The following NEBL variants were observed in gnomAD, a reference collection of about 807,000 sequenced individuals.
NEBL encodes nebulette.
In NEBL, 122 loss-of-function variants were observed where a neutral mutation model predicts 140.2. The observed-to-expected ratio is 0.87, with a 90% CI of 0.75 to 1.01. The LOEUF (loss-of-function observed/expected upper bound fraction) is 1.01. Among genes scored for constraint, NEBL ranks in the 50% least tolerant of loss-of-function variants. The pLI, the probability that NEBL is intolerant of heterozygous loss-of-function variation, is 0.00. For missense variants in NEBL, 1,365 were observed against 1,231.3 expected (o/e 1.11, Z -1.62); for synonymous variants, 436 against 398.9 (o/e 1.09, Z -1.11).
intron 1 of NEBL, among the ~76,000 whole-genome samples, chr10:21,258,386 T>C (rs570473662): frequency 2.8e-4 from 42 of 152,258 alleles, no homozygotes; most frequent in Admixed American, 2.5e-3. Context: ...CTGGCCAACA[T>C]GGTGAAATCC....
chr10:20,835,471 C>T (rs1179701767), intron 14 of NEBL, 42 bp downstream of exon 14: 2 of 1,426,058 alleles, frequency 1.4e-6, no homozygotes. Flanking sequence ...TGTTAGGTTC[C>T]AAAATATGAG....
At chr10:20,927,981 GT>G (rs1351002762) in intron 4 of NEBL, among the ~76,000 whole-genome samples, 1 of 152,096 alleles carries the variant, frequency 6.6e-6, no homozygotes, top group Non-Finnish European at 1.5e-5. Context: ...CTTTTAAAAA[GT>G]TTCTTTTTAA....
At chr10:21,113,308 C>CAAAAAAAAAAAAAAAAAAAA (rs1838130738) in intron 2 of NEBL, 13 of 158,872 alleles carry the variant, frequency 8.2e-5, no homozygotes, top group African/African-American at 2.1e-4. Flanking sequence ...AAAAAAAAAC[C>CAAAAAAAAAAAAAAAAAAAA]AGGAAAAAAC....
intron 2 of NEBL, among the ~76,000 whole-genome samples, chr10:21,058,137 G>A (rs914544540): frequency 2.0e-5 from 3 of 152,102 alleles, no homozygotes; most frequent in Non-Finnish European, 4.4e-5. Flanking sequence ...TTCATTCCAG[G>A]GGTTTTGGAA....
At chr10:21,236,315 C>T (rs1450796736) in intron 3 of NEBL, among the ~76,000 whole-genome samples, 1 of 150,522 alleles carries the variant, frequency 6.6e-6, no homozygotes, top group Non-Finnish European at 1.5e-5. Context: ...GGTTTTGTTA[C>T]TCACCTACTT....
chr10:21,131,504 C>CAAAT (rs947728763), intron 2 of NEBL, among the ~76,000 whole-genome samples: 1 of 151,954 alleles, frequency 6.6e-6, no homozygotes, highest in Non-Finnish European at 1.5e-5. Context: ...TTTCTCTGTA[C>CAAAT]AAATAAATAA....
chr10:20,989,156 A>G (rs1048540515), intron 3 of NEBL, among the ~76,000 whole-genome samples: 2 of 152,232 alleles, frequency 1.3e-5, no homozygotes, highest in Non-Finnish European at 2.9e-5. Flanking sequence ...GTACAAATGA[A>G]TAGAAGATTT....
intron 3 of NEBL, among the ~76,000 whole-genome samples, chr10:21,199,166 G>A (rs558536345): frequency 6.0e-5 from 9 of 151,132 alleles, no homozygotes; most frequent in Admixed American, 1.3e-4. Flanking sequence ...CTGGGACGAC[G>A]GGTGTGAGCC....
At chr10:21,004,754 C>G (rs890511057) in intron 3 of NEBL, among the ~76,000 whole-genome samples, 6 of 152,082 alleles carry the variant, frequency 3.9e-5, no homozygotes, top group African/African-American at 1.4e-4. Context: ...ATTAACAATG[C>G]AGATTTCTGG....
At chr10:21,147,719 A>G (rs1192303656) in intron 2 of NEBL, among the ~76,000 whole-genome samples, 1 of 152,240 alleles carries the variant, frequency 6.6e-6, no homozygotes, top group African/African-American at 2.4e-5. Flanking sequence ...GCACCTGTCC[A>G]GAACATTCTA....
At chr10:20,913,030 C>T (rs1848395940) in intron 4 of NEBL, among the ~76,000 whole-genome samples, 1 of 151,866 alleles carries the variant, frequency 6.6e-6, no homozygotes, top group Non-Finnish European at 1.5e-5. Flanking sequence ...CCAAAGTACT[C>T]ATATTACAGG....
chr10:20,952,088 G>A (rs1215163619), intron 4 of NEBL, among the ~76,000 whole-genome samples: 1 of 152,108 alleles, frequency 6.6e-6, no homozygotes, highest in Non-Finnish European at 1.5e-5. Flanking sequence ...AAGTATCTGT[G>A]TTTCTATCAA....
chr10:21,227,701 CTTCTTCTTCT>C (rs1476963051), intron 3 of NEBL, among the ~76,000 whole-genome samples: 293 of 82,380 alleles, frequency 3.6e-3, no homozygotes, highest in African/African-American at 0.013. Context: ...TCTTCTTCTT[CTTCTTCTTCT>C]TTCTTCTTCT....
intron 14 of NEBL, among the ~76,000 whole-genome samples, chr10:20,833,360 A>G (rs1201512495): frequency 6.6e-6 from 1 of 152,230 alleles, no homozygotes; most frequent in Admixed American, 6.5e-5. Context: ...CTTTATTTGA[A>G]AAATAAACTT....
intron 2 of NEBL, among the ~76,000 whole-genome samples, chr10:21,149,772 G>C (rs1840066793): frequency 6.6e-6 from 1 of 152,200 alleles, no homozygotes; most frequent in African/African-American, 2.4e-5. Flanking sequence ...TGGGTGACGG[G>C]GGCGGTCTTG....
chr10:20,995,948 C>T (rs1009793422), intron 3 of NEBL, among the ~76,000 whole-genome samples: 3 of 152,102 alleles, frequency 2.0e-5, no homozygotes. Context: ...AAAATCTGCA[C>T]CTCCATACTT....
At chr10:21,286,310 C>A (rs994073608) in intron 1 of NEBL, among the ~76,000 whole-genome samples, 1 of 152,164 alleles carries the variant, frequency 6.6e-6, no homozygotes, top group Non-Finnish European at 1.5e-5. Context: ...TAATAACATT[C>A]TTTGTAGCCC....
chr10:20,879,337 A>G (rs138498325), intron 5 of NEBL, among the ~76,000 whole-genome samples: 1 of 152,302 alleles, frequency 6.6e-6, no homozygotes, highest in African/African-American at 2.4e-5. Flanking sequence ...GGCTGTGCTC[A>G]GTAAGTGGTA....
At chr10:21,035,960 C>T (rs897154872) in intron 2 of NEBL, among the ~76,000 whole-genome samples, 8 of 151,968 alleles carry the variant, frequency 5.3e-5, no homozygotes, top group Admixed American at 5.2e-4. Flanking sequence ...GTCAAAAGCT[C>T]GAGACAAGCC....
Sources: allele counts gnomAD v4.1 joint callset (sites outside exome capture counted in the v4.1 genomes callset), GRCh38; gene constraint gnomAD v4.1.1; transcripts MANE v1.5; gene names NCBI Gene and HGNC (gene_info 2026-07-23, HGNC 2026-07-21).